Variants in AVEN observed in about 807,000 individuals in gnomAD.
The protein encoded by AVEN is cell death regulator Aven.
AVEN carries 41 observed loss-of-function variants against 38.1 expected under a neutral mutation model. That is an observed-to-expected ratio of 1.08 (90% confidence interval 0.84 to 1.40). The LOEUF is 1.40. AVEN is among the 40% of genes most tolerant of loss of function. The pLI, the probability that AVEN is intolerant of heterozygous loss-of-function variation, is 0.00. For missense variants in AVEN, 605 were observed against 438.8 expected (o/e 1.38, Z -3.38); for synonymous variants, 206 against 171.8 (o/e 1.20, Z -1.56).
chr15:33,968,184 C>T (rs1183455362), intron 2 of AVEN, among the ~76,000 whole-genome samples: 1 of 136,888 alleles, frequency 7.3e-6, no homozygotes. Flanking sequence ...ATTTTGGAAC[C>T]TTATTCCAGC....
At chr15:33,863,192 T>G (rs1423938146), downstream of AVEN, among the ~76,000 whole-genome samples, 1 of 152,162 alleles carries the variant, frequency 6.6e-6, no homozygotes, top group Non-Finnish European at 1.5e-5. Context: ...TATTCGTGTT[T>G]GAGCCTCCCA....
downstream of AVEN, chr15:33,865,717 C>CAGTT: frequency 6.5e-6 from 1 of 153,856 alleles, no homozygotes; most frequent in South Asian, 2.1e-4. Context: ...AAGCTTTAAG[C>CAGTT]AGTTAAAGAA....
chr15:34,057,242 T>C (rs1900190730), intron 5 of AVEN, among the ~76,000 whole-genome samples: 1 of 151,816 alleles, frequency 6.6e-6, no homozygotes, highest in Non-Finnish European at 1.5e-5. Context: ...GTTCAAGCGA[T>C]TCTCCTGCCT....
downstream of AVEN, among the ~76,000 whole-genome samples, chr15:33,862,536 A>G (rs1465953507): frequency 6.6e-6 from 1 of 152,204 alleles, no homozygotes; most frequent in Non-Finnish European, 1.5e-5. Context: ...GAGCAGGCTC[A>G]GCCTTTGGAG....
At chr15:34,058,555 A>AACACACACACACACACAC (rs3027963) in intron 5 of AVEN, among the ~76,000 whole-genome samples, 4 of 143,180 alleles carry the variant, frequency 2.8e-5, no homozygotes, top group South Asian at 4.7e-4. Flanking sequence ...CTTTAATTCT[A>AACACACACACACACACAC]ACACACACAC....
intron 2 of AVEN, among the ~76,000 whole-genome samples, chr15:33,998,723 A>C (rs1897029341): frequency 6.6e-6 from 1 of 152,192 alleles, no homozygotes; most frequent in African/African-American, 2.4e-5. Context: ...TGCATTTGAT[A>C]CAGATCTCTC....
rs112770455 is a variant in AVEN at position 33,982,032 on chromosome 15, C to CTT, written c.445+20998_445+20999dup. Among the ~76,000 whole-genome samples the CTT allele has an allele frequency of 4.6e-4, 66 of 144,822 alleles. 1 individual carries two copies. Among genetic ancestry groups the CTT allele is most frequent in the African/African-American group, 1.6e-3 (64 of 39,594 alleles). On this transcript the variant is annotated intron_variant, in intron 2 of 5. Coordinates refer to ENST00000306730, the MANE Select transcript of AVEN (RefSeq NM_020371.3). ...TGCCCTGCTAATTTTTGTATTTTTT[C>CTT]TTTTTTTTTTTATTAGTAGAGACAA...
In AVEN at chr15:34,064,353, A is replaced by G. The variant is rs149043556; in HGVS notation, n.1127-921T>C. On this transcript the variant is annotated intron_variant and non_coding_transcript_variant, in intron 4 of 11. Transcript: ENST00000675287. ...CTCCTCTCGAAAGAACAATGACCACAGTCAACATCCTCTGAGGATGAGCAA... is the reference window on the plus strand; with the variant it reads ...CTCCTCTCGAAAGAACAATGACCACGGTCAACATCCTCTGAGGATGAGCAA... 5.2e-4 allele frequency: 816 copies of G among 1,574,392 alleles called. 3 individuals are homozygous for G. In the African/African-American group the frequency reaches 0.01, roughly 20 times the overall value.
At chr15:34,073,714 T>A (rs1900677807) in intron 1 of AVEN, among the ~76,000 whole-genome samples, 1 of 150,954 alleles carries the variant, frequency 6.6e-6, no homozygotes. Context: ...AGAGATGGGG[T>A]CTCGCCATGT....
chr15:33,939,444 A>T (rs1238038267), intron 2 of AVEN, among the ~76,000 whole-genome samples: 1 of 152,228 alleles, frequency 6.6e-6, no homozygotes, highest in African/African-American at 2.4e-5. Flanking sequence ...TCCCCTACAG[A>T]GGTAAAATCT....
At chr15:33,960,420 C>T (rs773945114) in intron 2 of AVEN, among the ~76,000 whole-genome samples, 2 of 143,180 alleles carry the variant, frequency 1.4e-5, no homozygotes, top group Non-Finnish European at 3.0e-5. Context: ...GTCTGTGTCT[C>T]GTGTGTGTGT....
intron 2 of AVEN, among the ~76,000 whole-genome samples, chr15:33,881,843 C>T (rs1397102671): frequency 1.3e-5 from 2 of 152,194 alleles, no homozygotes; most frequent in Non-Finnish European, 2.9e-5. Context: ...TTCCTGGTCT[C>T]TCACATACTA....
intron 2 of AVEN, among the ~76,000 whole-genome samples, chr15:33,916,315 T>C (rs1893134492): frequency 1.3e-5 from 2 of 152,190 alleles, no homozygotes; most frequent in South Asian, 4.1e-4. Context: ...TGCTGGTATC[T>C]ACAGCTAAGT....
At chr15:34,043,788 G>A (rs1256189376), upstream of AVEN, among the ~76,000 whole-genome samples, 3 of 152,082 alleles carry the variant, frequency 2.0e-5, no homozygotes, top group Admixed American at 2.0e-4. Context: ...TGCTGACTTT[G>A]CTTTCTATTT....
At chr15:33,922,152 G>A (rs1381530160) in intron 2 of AVEN, among the ~76,000 whole-genome samples, 1 of 152,134 alleles carries the variant, frequency 6.6e-6, no homozygotes, top group African/African-American at 2.4e-5. Context: ...TTTCAATATA[G>A]GGAGTATAGC....
At chr15:33,961,783 A>C (rs1330605057) in intron 2 of AVEN, among the ~76,000 whole-genome samples, 16 of 127,056 alleles carry the variant, frequency 1.3e-4, no homozygotes, top group African/African-American at 4.5e-4. Flanking sequence ...ACTGCACTCC[A>C]GCCTGGGCGA....
intron 2 of AVEN, among the ~76,000 whole-genome samples, chr15:33,911,426 A>G (rs1352694360): frequency 6.6e-6 from 1 of 152,200 alleles, no homozygotes; most frequent in African/African-American, 2.4e-5. Context: ...CCTTTGAAGG[A>G]TAAAATACTT....
chr15:33,932,694 C>G (rs510102), intron 2 of AVEN, among the ~76,000 whole-genome samples: 144,704 of 152,034 alleles, frequency 0.95, 69,010 homozygotes, highest in Non-Finnish European at 0.98. Context: ...GTGTGGTGGC[C>G]GGCGCCTGTA....
At chr15:33,954,782 C>A (rs978815055) in intron 2 of AVEN, among the ~76,000 whole-genome samples, 27 of 152,094 alleles carry the variant, frequency 1.8e-4, no homozygotes, top group African/African-American at 5.3e-4. Context: ...TGCACATGTA[C>A]CCTAGAACTT....
Sources: gnomAD v4.1 joint callset for allele counts (sites outside exome capture counted in the v4.1 genomes callset) on GRCh38, gnomAD v4.1.1 for gene constraint, MANE v1.5 for transcripts, NCBI Gene and HGNC (gene_info 2026-07-23, HGNC 2026-07-21) for gene names.